TMEM80: variants seen among roughly 807,000 people sequenced by gnomAD.
The protein encoded by TMEM80 is transmembrane protein 80.
Under a neutral mutation model 13.6 loss-of-function variants are expected in TMEM80, and 16 were observed. The observed-to-expected ratio is 1.17, with a 90% confidence interval of 0.79 to 1.78. The LOEUF (loss-of-function observed/expected upper bound fraction) is 1.78. Among genes scored for constraint, TMEM80 ranks in the 40% most tolerant of loss-of-function variants. The probability of loss-of-function intolerance (pLI) is 0.00; values close to 1 mark genes in which losing one functional copy is unlikely to be tolerated. For synonymous variants in TMEM80, 92 were observed against 89.5 expected, an observed-to-expected ratio of 1.03 and a Z score of -0.16; for missense variants, 167 against 184.6, an observed-to-expected ratio of 0.90 and a Z score of 0.55.
downstream of TMEM80, chr11:704,189 G>C: frequency 9.6e-7 from 1 of 1,047,118 alleles, no homozygotes; most frequent in East Asian, 6.6e-5. Context: ...CTGCAAGAGA[G>C]CACACCCCAC....
rs1408501789 is a variant in TMEM80 at position 698,905 on chromosome 11, C to A, written c.39+17C>A. On this transcript the variant is annotated intron_variant, in intron 2 of 4. Transcript: ENST00000397510. ...TCCACAGTGGTATCCTGCTGCGTGC[C>A]CCTCCAGGACAGCACCCAGAGGCCC... 6.2e-7 allele frequency: 1 copy of A among 1,614,028 alleles called. No homozygotes were observed. The highest frequency in any genetic ancestry group is 1.7e-5 in the Admixed American group (1 of 60,016).
intron 1 of TMEM80, among the ~76,000 whole-genome samples, chr11:696,791 C>A (rs1368302145): frequency 2.7e-5 from 4 of 148,924 alleles, no homozygotes; most frequent in Non-Finnish European, 4.5e-5. Context: ...AAAATTACCC[C>A]GGGGAAGGCC....
intron 4 of TMEM80, among the ~76,000 whole-genome samples, chr11:702,161 G>C (rs1480071345): frequency 2.0e-5 from 3 of 152,206 alleles, no homozygotes; most frequent in African/African-American, 7.2e-5. Context: ...TTGTTATCAG[G>C]CCTCAGACAC....
intron 4 of TMEM80, chr11:700,939 G>A: frequency 1.7e-6 from 1 of 580,720 alleles, no homozygotes; most frequent in Middle Eastern, 4.6e-4. Flanking sequence ...TCTGTGTTTG[G>A]AAGCATGTCT....
In TMEM80 at chr11:703,918, C is replaced by A; in HGVS notation, c.*768C>A. 8.1e-7 allele frequency: 1 copy of A among 1,241,662 alleles called. No individual in the cohort carries two copies. The highest frequency in any genetic ancestry group is 4.0e-5 in the South Asian group (1 of 25,142). 76.9% of individuals were successfully genotyped at this position (1,241,662 alleles called of 1,614,324 possible). On this transcript the variant is annotated 3_prime_UTR_variant, in exon 5 of 5. Coordinates refer to ENST00000397510, the MANE Select transcript of TMEM80 (RefSeq NM_001042463.3). ...GTTTTATCAGCTTTTGCCTTTTGCA[C>A]GGAGTGCTAAACAAATTCTAGCTCT...
intron 1 of TMEM80, among the ~76,000 whole-genome samples, chr11:697,127 G>A (rs1861226479): frequency 1.5e-5 from 2 of 135,290 alleles, no homozygotes; most frequent in South Asian, 4.9e-4. Context: ...ACCTCAGGGA[G>A]CCTGTGGTCC....
intron 1 of TMEM80, among the ~76,000 whole-genome samples, chr11:696,428 C>T (rs1315257146): frequency 1.3e-5 from 2 of 152,214 alleles, no homozygotes; most frequent in East Asian, 3.8e-4. Flanking sequence ...ATGGCTACTC[C>T]ATAGGCAGGA....
At chr11:696,634 C>T (rs542601033) in intron 1 of TMEM80, among the ~76,000 whole-genome samples, 21 of 37,326 alleles carry the variant, frequency 5.6e-4, no homozygotes, top group Non-Finnish European at 1.1e-3. Flanking sequence ...CAGGCGGTGG[C>T]GCACCCCTGT....
chr11:703,113 T>C lies in TMEM80; in HGVS notation c.395T>C (p.Val132Ala). ...CTGGCCCTTCACGGCCTGGAGGCCG[T>C]CCTGCAGGTGGTTGCCATCGCGGCC... ...TLLALHGLEA[V>A]LQVVAIAAFT... The change falls in exon 5 of 5, where the codon GTC becomes GCC. Residue 132 changes from valine (V) to alanine (A), a missense_variant. Coordinates refer to ENST00000397510, the MANE Select transcript of TMEM80 (RefSeq NM_001042463.3). 5 of 1,610,000 alleles carry C rather than the reference T, an allele frequency of 3.1e-6. No homozygotes were observed. The highest frequency in any genetic ancestry group is 4.2e-6 in the Non-Finnish European group (5 of 1,177,874).
chr11:699,477 T>C (rs547853379), intron 2 of TMEM80: 2 of 154,648 alleles, frequency 1.3e-5, no homozygotes, highest in South Asian at 3.9e-4. Flanking sequence ...CCGGGCGCAG[T>C]GGCTCATGCC....
intron 1 of TMEM80, among the ~76,000 whole-genome samples, chr11:696,716 T>C (rs1352429780): frequency 1.3e-5 from 2 of 152,200 alleles, no homozygotes; most frequent in African/African-American, 4.8e-5. Context: ...CAGTGAGCCG[T>C]GATGGCGCCA....
intron 4 of TMEM80, among the ~76,000 whole-genome samples, chr11:702,225 C>T (rs533394898): frequency 3.3e-4 from 50 of 152,362 alleles, no homozygotes; most frequent in African/African-American, 1.1e-3. Context: ...GAGGGGTGCC[C>T]GGCCGTCAGT....
chr11:704,406 T>G (rs944171193), downstream of TMEM80: 1 of 1,265,262 alleles, frequency 7.9e-7, no homozygotes, highest in African/African-American at 1.5e-5. Context: ...CCAGTTGTCC[T>G]GGGCCGACTT....
chr11:701,709 G>A (rs990692880), intron 4 of TMEM80, among the ~76,000 whole-genome samples: 6 of 152,036 alleles, frequency 3.9e-5, no homozygotes, highest in Admixed American at 6.6e-5. Context: ...GCGCCCGGCC[G>A]GAGACAGGGT....
chr11:698,862 CT>C lies in TMEM80; in HGVS notation c.20-4del, dbSNP rs1861318193. The C allele has an allele frequency of 6.2e-7, 1 of 1,614,056 alleles. No homozygotes were observed. Among genetic ancestry groups the C allele is most frequent in the African/African-American group, 1.3e-5 (1 of 74,924 alleles). On this transcript the variant is annotated splice_region_variant and splice_polypyrimidine_tract_variant and intron_variant, in intron 1 of 4. Transcript: ENST00000397510. The stretch of plus-strand genomic sequence containing the variant: ...CAGGCCTTGCTCACGGCCCCTTTCT[CT>C]TTCAGGGAGAGGATCCTCCACAGTG...
At chr11:704,841 C>A, downstream of TMEM80, 1 of 371,138 alleles carries the variant, frequency 2.7e-6, no homozygotes, top group Non-Finnish European at 5.2e-6. Flanking sequence ...GACCCCACCC[C>A]CCAGCTGTCC....
At position 704,092 on chromosome 11, in the gene TMEM80, G is replaced by T. The variant is rs181408130; in HGVS notation, c.*942G>T. ...AATATCTAGATATTTTCTCTTCACCGCATTTTGTAAATAAAGAGATGTGTA... is the reference window on the plus strand; with the variant it reads ...AATATCTAGATATTTTCTCTTCACCTCATTTTGTAAATAAAGAGATGTGTA... On this transcript the variant is annotated 3_prime_UTR_variant, in exon 5 of 5. Transcript: ENST00000397510. 3 of 1,098,386 alleles carry T rather than the reference G, an allele frequency of 2.7e-6. No individual in the cohort carries two copies. In the African/African-American group the frequency reaches 4.9e-5, roughly 18 times the overall value. The allele number at this position is 1,098,386 out of a possible 1,614,324, so 68.0% of individuals were successfully genotyped here.
intron 4 of TMEM80, among the ~76,000 whole-genome samples, chr11:701,280 A>G (rs941028043): frequency 1.0e-4 from 15 of 149,026 alleles, no homozygotes; most frequent in African/African-American, 3.7e-4. Context: ...CCTGGGCTTG[A>G]GCGATCCTCC....
Position 703,189 on chromosome 11 carries a change from C to T in TMEM80, c.*39C>T, listed in dbSNP as rs1294625264. 1 of 1,566,280 alleles carries T rather than the reference C, an allele frequency of 6.4e-7. No homozygotes were observed. Among genetic ancestry groups the T allele is most frequent in the African/African-American group, 1.4e-5 (1 of 74,002 alleles). On this transcript the variant is annotated 3_prime_UTR_variant, in exon 5 of 5. Coordinates refer to ENST00000397510, the MANE Select transcript of TMEM80 (RefSeq NM_001042463.3). ...GGATACCCCACACTGGGGCCCTCCT[C>T]CTGGGCCTGACCAGTCCCCCAGCTG...
Sources: allele counts gnomAD v4.1 joint callset (sites outside exome capture counted in the v4.1 genomes callset), GRCh38; gene constraint gnomAD v4.1.1; transcripts MANE v1.5; gene names NCBI Gene and HGNC (gene_info 2026-07-23, HGNC 2026-07-21).